Variants in CDH13 observed in about 807,000 individuals in gnomAD.
CDH13 encodes the protein cadherin 13.
Under a neutral mutation model 63.8 loss-of-function variants are expected in CDH13, and 24 were observed. The observed-to-expected ratio is 0.38, with a 90% confidence interval of 0.27 to 0.53. CDH13 has a LOEUF of 0.53. CDH13 is among the 20% of genes least tolerant of loss of function. The pLI, the probability that CDH13 is intolerant of heterozygous loss-of-function variation, is 0.85. For missense variants in CDH13, 1,049 were observed against 903.1 expected, an observed-to-expected ratio of 1.16 and a Z score of -2.07; for synonymous variants, 503 against 355.3, an observed-to-expected ratio of 1.42 and a Z score of -4.67.
intron 3 of CDH13, among the ~76,000 whole-genome samples, chr16:83,041,070 A>C (rs1232113377): frequency 6.6e-6 from 1 of 152,214 alleles, no homozygotes; most frequent in Non-Finnish European, 1.5e-5. Context: ...TCCACTTAAC[A>C]AACTCCAAAA....
intron 6 of CDH13, among the ~76,000 whole-genome samples, chr16:83,407,473 T>G (rs1437629097): frequency 6.6e-6 from 1 of 152,238 alleles, no homozygotes; most frequent in Non-Finnish European, 1.5e-5. Flanking sequence ...AAGCTCAGCC[T>G]GCTTTTTTTC....
chr16:83,335,580 G>A (rs1430194249), intron 5 of CDH13, among the ~76,000 whole-genome samples: 1 of 152,024 alleles, frequency 6.6e-6, no homozygotes, highest in Non-Finnish European at 1.5e-5. Flanking sequence ...TCCAAAGAAG[G>A]AAAAAGTAAA....
chr16:82,674,962 G>A (rs898492354), intron 1 of CDH13, among the ~76,000 whole-genome samples: 7 of 152,236 alleles, frequency 4.6e-5, no homozygotes, highest in African/African-American at 1.7e-4. Flanking sequence ...TGTCAATCAG[G>A]TGTCAGAAGA....
chr16:83,093,734 C>G (rs1387500735), intron 3 of CDH13, among the ~76,000 whole-genome samples: 4 of 152,188 alleles, frequency 2.6e-5, no homozygotes, highest in Non-Finnish European at 5.9e-5. Context: ...GCTTGTACCT[C>G]CACTCCCTTC....
At position 83,171,694 on chromosome 16, in the gene CDH13, G is replaced by C. The variant is rs1004023482; in HGVS notation, c.484-45651G>C. On this transcript the variant is annotated intron_variant, in intron 4 of 13. Coordinates refer to ENST00000567109, the MANE Select transcript of CDH13 (RefSeq NM_001257.5). ...AAATAGCATGCTCTTTGGCAGGCAC[G>C]CCTCTCCCATTTCCCCAGAACCTCT... The C allele has an allele frequency of 2.5e-5, 19 of 757,384 alleles. No homozygotes were observed. The Admixed American group carries it at 2.5e-4, about 10-fold the overall frequency. The allele number at this position is 757,384 out of a possible 1,614,324, so 46.9% of individuals were successfully genotyped here. A position where few individuals can be genotyped will look rare whatever the true frequency, so the allele number is the denominator to read the frequency against.
At chr16:83,689,062 T>C (rs1321045879) in intron 10 of CDH13, among the ~76,000 whole-genome samples, 1 of 152,172 alleles carries the variant, frequency 6.6e-6, no homozygotes, top group Non-Finnish European at 1.5e-5. Flanking sequence ...ATTTTACAAA[T>C]CGACCACCTT....
chr16:82,737,268 C>G (rs1331951348), intron 1 of CDH13, among the ~76,000 whole-genome samples: 1 of 152,230 alleles, frequency 6.6e-6, no homozygotes, highest in African/African-American at 2.4e-5. Context: ...AGGTGGAGAC[C>G]TGAGGGTCAA....
intron 13 of CDH13, among the ~76,000 whole-genome samples, chr16:83,789,109 A>G (rs1916083236): frequency 6.6e-6 from 1 of 152,210 alleles, no homozygotes; most frequent in South Asian, 2.1e-4. Context: ...CCAAAAAGGG[A>G]TGGACATAAT....
chr16:83,265,659 C>T (rs562016706), intron 5 of CDH13, among the ~76,000 whole-genome samples: 10 of 145,848 alleles, frequency 6.9e-5, no homozygotes, highest in Admixed American at 2.1e-4. Flanking sequence ...CTTAGCTCTT[C>T]AAGAATATCA....
intron 4 of CDH13, among the ~76,000 whole-genome samples, chr16:83,140,540 CTG>C (rs906805334): frequency 1.8e-4 from 27 of 152,086 alleles, no homozygotes; most frequent in African/African-American, 6.0e-4. Flanking sequence ...TACAACCTCG[CTG>C]TCTCAGGTTC....
intron 13 of CDH13, among the ~76,000 whole-genome samples, chr16:83,794,517 C>T (rs1916477813): frequency 6.6e-6 from 1 of 152,196 alleles, no homozygotes; most frequent in Non-Finnish European, 1.5e-5. Context: ...TGTACCACTA[C>T]ACTCCAGCTG....
intron 7 of CDH13, among the ~76,000 whole-genome samples, chr16:83,520,973 C>G (rs112268072): frequency 1.8e-4 from 27 of 152,180 alleles, no homozygotes; most frequent in African/African-American, 6.5e-4. Context: ...TTTCAACCAT[C>G]GCCTCCCAAA....
chr16:82,809,034 A>G (rs1430190305), intron 1 of CDH13, among the ~76,000 whole-genome samples: 1 of 152,154 alleles, frequency 6.6e-6, no homozygotes, highest in Non-Finnish European at 1.5e-5. Flanking sequence ...GATTGTGAAC[A>G]TGCATATACA....
chr16:83,630,316 G>A (rs1050948156), intron 8 of CDH13, among the ~76,000 whole-genome samples: 4 of 152,272 alleles, frequency 2.6e-5, no homozygotes, highest in Non-Finnish European at 4.4e-5. Flanking sequence ...AATTTAGAAC[G>A]TTTATTTTGC....
intron 6 of CDH13, among the ~76,000 whole-genome samples, chr16:83,445,029 A>G (rs1457609183): frequency 6.6e-6 from 1 of 152,140 alleles, no homozygotes. Context: ...AAATGAGGCC[A>G]TGCTAGTTAA....
intron 4 of CDH13, among the ~76,000 whole-genome samples, chr16:83,202,408 A>T (rs1300900978): frequency 6.6e-6 from 1 of 152,084 alleles, no homozygotes; most frequent in African/African-American, 2.4e-5. Flanking sequence ...CCTGAAATCA[A>T]TGGGGTGGGG....
chr16:83,445,964 C>G (rs866179160), intron 6 of CDH13, among the ~76,000 whole-genome samples: 12 of 152,108 alleles, frequency 7.9e-5, no homozygotes, highest in African/African-American at 2.9e-4. Flanking sequence ...AAAGCATTAT[C>G]CCCATCCCTC....
intron 10 of CDH13, among the ~76,000 whole-genome samples, chr16:83,723,887 G>T (rs1390122263): frequency 6.6e-6 from 1 of 152,234 alleles, no homozygotes; most frequent in East Asian, 1.9e-4. Flanking sequence ...TGGATGGATG[G>T]ATGGATGGAT....
chr16:83,268,582 T>A lies in CDH13; in HGVS notation c.636+51085T>A, dbSNP rs75047531. On this transcript the variant is annotated intron_variant, in intron 5 of 13. Transcript: ENST00000567109. ...TAAATTACATGTTGTAGACAAAGTCTACGTTTCTACGTTTTTTTGACAGCA... is the reference window on the plus strand; with the variant it reads ...TAAATTACATGTTGTAGACAAAGTCAACGTTTCTACGTTTTTTTGACAGCA... 8.8e-3 allele frequency among the ~76,000 whole-genome samples: 1,347 copies of A among 152,336 alleles called. 25 individuals carry two copies. Among genetic ancestry groups the A allele is most frequent in the African/African-American group, 0.03 (1,233 of 41,584 alleles).
Sources: allele counts gnomAD v4.1 joint callset (sites outside exome capture counted in the v4.1 genomes callset), GRCh38; gene constraint gnomAD v4.1.1; transcripts MANE v1.5; gene names NCBI Gene and HGNC (gene_info 2026-07-23, HGNC 2026-07-21).